NXPE2: variants seen among roughly 807,000 people sequenced by gnomAD.
NXPE2 encodes the protein neurexophilin and PC-esterase domain family member 2, also known as NXPE family member 2.
Under a neutral mutation model 34.4 loss-of-function variants are expected in NXPE2, and 34 were observed. The ratio of observed to expected loss-of-function variants is 0.99; its 90% CI spans 0.75 to 1.31. The LOEUF (loss-of-function observed/expected upper bound fraction) is 1.31, where lower values mean the gene tolerates loss of function less well. Ranked by LOEUF, NXPE2 falls within the 40% of genes most tolerant of loss-of-function variation. NXPE2 has a pLI of 0.00. For synonymous variants in NXPE2, 235 were observed against 231.3 expected (o/e 1.02, Z -0.15); for missense variants, 649 against 672.5 (o/e 0.97, Z 0.39).
chr11:114,530,254 A>G, the NXPE2 span: 1 of 1,614,002 alleles, frequency 6.2e-7, no homozygotes, highest in Non-Finnish European at 8.5e-7. Flanking sequence ...AGAGCCTCAC[A>G]GGGCATGTGT....
the NXPE2 span, chr11:114,530,206 G>C: frequency 2.1e-5 from 34 of 1,611,430 alleles, no homozygotes; most frequent in Admixed American, 5.0e-5. Context: ...TTGTCTGTAA[G>C]ATAAGATACC....
At chr11:114,592,514 AACAC>A in the NXPE2 span, among the ~76,000 whole-genome samples, 13 of 151,080 alleles carry the variant, frequency 8.6e-5, no homozygotes, top group South Asian at 2.5e-3. Context: ...GAAATTGGAG[AACAC>A]ACACACACAC....
the NXPE2 span, among the ~76,000 whole-genome samples, chr11:114,669,259 G>T: frequency 6.6e-6 from 1 of 152,066 alleles, no homozygotes; most frequent in South Asian, 2.1e-4. Context: ...AACATTTTTT[G>T]AAGAAAATCT....
chr11:114,641,214 G>A, the NXPE2 span, among the ~76,000 whole-genome samples: 1 of 151,716 alleles, frequency 6.6e-6, no homozygotes, highest in East Asian at 1.9e-4. Context: ...ATAGAGTTGA[G>A]AAAACATGAA....
At chr11:114,789,807 G>C in the NXPE2 span, among the ~76,000 whole-genome samples, 1 of 152,136 alleles carries the variant, frequency 6.6e-6, no homozygotes, top group Non-Finnish European at 1.5e-5. Flanking sequence ...CTCCTCACAT[G>C]ACATCCTTGC....
At chr11:114,645,164 T>C in the NXPE2 span, among the ~76,000 whole-genome samples, 1 of 152,076 alleles carries the variant, frequency 6.6e-6, no homozygotes, top group African/African-American at 2.4e-5. Flanking sequence ...TAGCTGGGCG[T>C]GATGGCGTGC....
At chr11:114,647,848 C>A in the NXPE2 span, among the ~76,000 whole-genome samples, 1 of 151,904 alleles carries the variant, frequency 6.6e-6, no homozygotes, top group South Asian at 2.1e-4. Flanking sequence ...ATTACAGGTG[C>A]CTGCCACTGT....
chr11:114,784,814 C>T, the NXPE2 span, among the ~76,000 whole-genome samples: 1 of 152,026 alleles, frequency 6.6e-6, no homozygotes, highest in African/African-American at 2.4e-5. Context: ...TAGACCTGCA[C>T]ATTAAAAAGT....
the NXPE2 span, among the ~76,000 whole-genome samples, chr11:114,622,471 T>C: frequency 6.6e-6 from 1 of 152,122 alleles, no homozygotes; most frequent in Non-Finnish European, 1.5e-5. Context: ...CAATAAGTAT[T>C]GCCTCATGGA....
chr11:114,605,165 G>C, the NXPE2 span, among the ~76,000 whole-genome samples: 2 of 151,646 alleles, frequency 1.3e-5, no homozygotes, highest in African/African-American at 4.9e-5. Context: ...GGGATAATAA[G>C]TGTTGCCTTG....
At chr11:114,756,299 G>T in the NXPE2 span, among the ~76,000 whole-genome samples, 1 of 152,140 alleles carries the variant, frequency 6.6e-6, no homozygotes, top group Non-Finnish European at 1.5e-5. Flanking sequence ...TCCCAGCCTT[G>T]CCATTGATTA....
At chr11:114,714,166 C>T in the NXPE2 span, among the ~76,000 whole-genome samples, 101 of 152,298 alleles carry the variant, frequency 6.6e-4, no homozygotes, top group African/African-American at 2.2e-3. Flanking sequence ...TTGTGGTTGG[C>T]TTTATAAGCT....
chr11:114,469,356 G>T, the NXPE2 span, among the ~76,000 whole-genome samples: 1 of 151,570 alleles, frequency 6.6e-6, no homozygotes, highest in East Asian at 2.0e-4. Flanking sequence ...CTTGCGATCC[G>T]CCTGCCTCAG....
At chr11:114,801,188 AG>A in the NXPE2 span, among the ~76,000 whole-genome samples, 1 of 152,256 alleles carries the variant, frequency 6.6e-6, no homozygotes, top group African/African-American at 2.4e-5. Context: ...TAAAGAAAAA[AG>A]GAAAAGAGAA....
At chr11:114,542,319 G>A in the NXPE2 span, among the ~76,000 whole-genome samples, 1 of 152,132 alleles carries the variant, frequency 6.6e-6, no homozygotes, top group Non-Finnish European at 1.5e-5. Flanking sequence ...TCACAGGCAA[G>A]TTCTAATGAA....
chr11:114,494,672 G>A, the NXPE2 span, among the ~76,000 whole-genome samples: 25 of 152,216 alleles, frequency 1.6e-4, no homozygotes, highest in African/African-American at 4.8e-4. Context: ...CTGAAAGGTC[G>A]CGTATCTCTT....
the NXPE2 span, among the ~76,000 whole-genome samples, chr11:114,777,467 T>C: frequency 1.3e-5 from 2 of 152,294 alleles, no homozygotes; most frequent in East Asian, 3.9e-4. Context: ...CATCTTAACA[T>C]TCTCAGGGCA....
the NXPE2 span, among the ~76,000 whole-genome samples, chr11:114,532,261 A>G: frequency 4.0e-5 from 6 of 150,738 alleles, no homozygotes; most frequent in Non-Finnish European, 7.3e-5. Flanking sequence ...GAAGTTTTGA[A>G]AAAACCTTGG....
chr11:114,659,947 G>A, the NXPE2 span, among the ~76,000 whole-genome samples: 1 of 152,154 alleles, frequency 6.6e-6, no homozygotes, highest in Non-Finnish European at 1.5e-5. Context: ...GGCACAAAGT[G>A]TCAGAAATGA....
Sources: allele counts gnomAD v4.1 joint callset (sites outside exome capture counted in the v4.1 genomes callset), GRCh38; gene constraint gnomAD v4.1.1; transcripts MANE v1.5; gene names NCBI Gene and HGNC (gene_info 2026-07-23, HGNC 2026-07-21).